Variants in STAM observed in about 807,000 individuals in gnomAD.
STAM encodes signal transducing adapter molecule 1.
A neutral mutation model predicts 63.4 loss-of-function variants in STAM; 16 were observed. That is an observed-to-expected ratio of 0.25 (90% CI 0.17 to 0.38). The LOEUF (loss-of-function observed/expected upper bound fraction) is 0.38, where lower values mean the gene tolerates loss of function less well. STAM is among the 10% of genes least tolerant of loss of function. The pLI, the probability that STAM is intolerant of heterozygous loss-of-function variation, is 1.00. For missense variants in STAM, 636 were observed against 657.1 expected (o/e 0.97, Z 0.35); for synonymous variants, 238 against 223.9 (o/e 1.06, Z -0.56).
At chr10:17,714,479 C>A (rs1014894692) in intron 13 of STAM, 64 bp from the exon 14 acceptor site, 5 of 1,450,430 alleles carry the variant, frequency 3.4e-6, no homozygotes. Flanking sequence ...ATAGCTTTTC[C>A]ATTTATCTGT....
At chr10:17,645,521 TC>T (rs782070280) in intron 1 of STAM, among the ~76,000 whole-genome samples, 8 of 152,168 alleles carry the variant, frequency 5.3e-5, no homozygotes, top group Non-Finnish European at 8.8e-5. Context: ...AGTGTTCTTG[TC>T]TTTAAAGAGG....
At chr10:17,673,698 G>A (rs1023520395) in intron 2 of STAM, among the ~76,000 whole-genome samples, 2 of 152,200 alleles carry the variant, frequency 1.3e-5, no homozygotes, top group Non-Finnish European at 2.9e-5. Flanking sequence ...ACAGAAGAGA[G>A]GTGTTAAATG....
chr10:17,683,250 A>G (rs572992103), intron 2 of STAM, among the ~76,000 whole-genome samples: 2 of 152,068 alleles, frequency 1.3e-5, no homozygotes, highest in East Asian at 3.9e-4. Context: ...TGCATCCTCG[A>G]CCTCTGGGGC....
chr10:17,705,554 C>G, intron 11 of STAM, 34 bp from the exon 12 acceptor site: 2 of 1,592,554 alleles, frequency 1.3e-6, no homozygotes, highest in Non-Finnish European at 1.7e-6. Context: ...ATTTTAGTAA[C>G]AGCTATGCTT....
At chr10:17,685,416 G>A (rs901404508) in intron 4 of STAM, among the ~76,000 whole-genome samples, 2 of 152,076 alleles carry the variant, frequency 1.3e-5, no homozygotes, top group South Asian at 2.1e-4. Flanking sequence ...AAGTGGTGGC[G>A]GGGGAGTTTC....
chr10:17,707,657 T>C (rs1836355025), intron 12 of STAM, among the ~76,000 whole-genome samples: 2 of 151,988 alleles, frequency 1.3e-5, no homozygotes, highest in Non-Finnish European at 2.9e-5. Flanking sequence ...AATGACAAAA[T>C]AAAGTTAGGA....
intron 2 of STAM, among the ~76,000 whole-genome samples, chr10:17,681,648 C>T (rs1835090935): frequency 6.6e-6 from 1 of 152,014 alleles, no homozygotes; most frequent in African/African-American, 2.4e-5. Flanking sequence ...TGAGGCTATC[C>T]TTTTGACTTA....
intron 5 of STAM, among the ~76,000 whole-genome samples, chr10:17,690,379 T>G (rs1835480039): frequency 6.6e-6 from 1 of 152,226 alleles, no homozygotes; most frequent in African/African-American, 2.4e-5. Flanking sequence ...AGATAGGACT[T>G]AATTTTCATC....
intron 2 of STAM, among the ~76,000 whole-genome samples, chr10:17,671,548 C>T (rs1207280205): frequency 6.6e-6 from 1 of 152,110 alleles, no homozygotes; most frequent in Admixed American, 6.5e-5. Flanking sequence ...TGGTATTGCT[C>T]CATTAGGGAT....
At chr10:17,646,160 G>A (rs782443894) in intron 1 of STAM, among the ~76,000 whole-genome samples, 10 of 152,150 alleles carry the variant, frequency 6.6e-5, no homozygotes, top group Non-Finnish European at 1.2e-4. Context: ...TTACACCTGA[G>A]TCATTTCCTG....
At chr10:17,649,115 C>T (rs1833636713) in intron 1 of STAM, among the ~76,000 whole-genome samples, 1 of 152,148 alleles carries the variant, frequency 6.6e-6, no homozygotes, top group Non-Finnish European at 1.5e-5. Flanking sequence ...AAAAAATATC[C>T]TTCTTGGGCT....
At chr10:17,702,861 C>A (rs938167377) in intron 9 of STAM, among the ~76,000 whole-genome samples, 2 of 151,680 alleles carry the variant, frequency 1.3e-5, no homozygotes, top group Non-Finnish European at 2.9e-5. Flanking sequence ...TACAAAGATT[C>A]GCTGGACGTG....
chr10:17,654,483 A>G (rs1833863115), intron 1 of STAM, among the ~76,000 whole-genome samples: 1 of 152,022 alleles, frequency 6.6e-6, no homozygotes, highest in Admixed American at 6.6e-5. Context: ...CGGCCTCCCA[A>G]AGTGCTGGGA....
At chr10:17,667,624 A>G (rs7906638) in intron 2 of STAM, among the ~76,000 whole-genome samples, 16,470 of 152,306 alleles carry the variant, frequency 0.11, 973 homozygotes, top group Middle Eastern at 0.16. Context: ...AATGGTGCTA[A>G]TATTCTAATG....
chr10:17,690,848 G>A (rs1330301377), intron 5 of STAM, among the ~76,000 whole-genome samples: 3 of 152,212 alleles, frequency 2.0e-5, no homozygotes, highest in Non-Finnish European at 2.9e-5. Flanking sequence ...CACCGCTACC[G>A]TAGTTGGCTG....
At chr10:17,706,524 G>A (rs1029774790) in intron 12 of STAM, among the ~76,000 whole-genome samples, 4 of 151,768 alleles carry the variant, frequency 2.6e-5, no homozygotes, top group South Asian at 4.2e-4. Context: ...GACTACAGGC[G>A]CCCGTCACCA....
intron 12 of STAM, 38 bp from the exon 13 acceptor site, chr10:17,708,738 T>C: frequency 6.5e-7 from 1 of 1,545,482 alleles, no homozygotes; most frequent in East Asian, 2.3e-5. Flanking sequence ...CTTATTAAAA[T>C]TTTAGAATTG....
At chr10:17,661,854 A>T (rs1419697615) in intron 2 of STAM, among the ~76,000 whole-genome samples, 4 of 151,986 alleles carry the variant, frequency 2.6e-5, no homozygotes, top group African/African-American at 9.7e-5. Flanking sequence ...TTTGGCCCAT[A>T]ATGTCCTCCC....
Position 17,714,699 on chromosome 10 carries a change from A to G in STAM, c.1542A>G (p.Thr514=), listed in dbSNP as rs1554830610. Residue 514 remains threonine (T), a synonymous_variant, in exon 14 of 14, where the codon ACA becomes ACG. Coordinates refer to ENST00000377524, the MANE Select transcript of STAM (RefSeq NM_003473.4). ...NMPQVPNYNL[T]SSTLPQPGGS... ...CCCAGGTGCCAAACTATAACTTAACATCATCAACTCTGCCTCAGCCCGGAG... is the reference window on the plus strand; with the variant it reads ...CCCAGGTGCCAAACTATAACTTAACGTCATCAACTCTGCCTCAGCCCGGAG... 2.5e-6 allele frequency: 4 copies of G among 1,614,020 alleles called. No homozygotes were observed. The highest frequency in any genetic ancestry group is 3.3e-4 in the Middle Eastern group (2 of 6,062).
Sources: gnomAD v4.1 joint callset for allele counts (sites outside exome capture counted in the v4.1 genomes callset) on GRCh38, gnomAD v4.1.1 for gene constraint, MANE v1.5 for transcripts, NCBI Gene and HGNC (gene_info 2026-07-23, HGNC 2026-07-21) for gene names.